Variants in LDB2 observed in about 807,000 individuals in gnomAD.
LDB2 encodes the protein LIM domain-binding protein 2.
In LDB2, 12 loss-of-function variants were observed where a neutral mutation model predicts 44.3. The ratio of observed to expected loss-of-function variants is 0.27; its 90% confidence interval spans 0.17 to 0.44. LDB2 has a LOEUF of 0.44. LDB2 is among the 20% of genes least tolerant of loss of function. The pLI is 1.00. For missense variants in LDB2, 344 were observed against 473.5 expected, an observed-to-expected ratio of 0.73 and a Z score of 2.54; for synonymous variants, 164 against 174.8, an observed-to-expected ratio of 0.94 and a Z score of 0.49.
In LDB2 at chr4:16,533,228, G is replaced by A. The variant is rs1577436743; in HGVS notation, c.616-21124C>T. On this transcript the variant is annotated intron_variant, in intron 5 of 7. Coordinates refer to ENST00000304523, the MANE Select transcript of LDB2 (RefSeq NM_001290.5). The surrounding 1 kb of genome is among the most constrained non-coding windows in gnomAD (Gnocchi z 4.1). The stretch of plus-strand genomic sequence containing the variant: ...GAGACAGACCCAGGTTCAAATCCCA[G>A]CCAGGTCCTACCAGCTGTGTGACTC... Among the ~76,000 whole-genome samples the A allele has an allele frequency of 6.6e-6, 1 of 152,130 alleles. No individual in the cohort carries two copies. Among genetic ancestry groups the A allele is most frequent in the Non-Finnish European group, 1.5e-5 (1 of 68,020 alleles).
chr4:16,599,671 C>T (rs1054535246), intron 2 of LDB2, among the ~76,000 whole-genome samples: 12 of 152,094 alleles, frequency 7.9e-5, no homozygotes, highest in Admixed American at 5.2e-4. Context: ...CACATACGCA[C>T]GCAATGTGCA....
chr4:16,743,371 AG>A (rs1410681659), intron 2 of LDB2, among the ~76,000 whole-genome samples: 5 of 152,094 alleles, frequency 3.3e-5, no homozygotes, highest in Non-Finnish European at 7.4e-5. Context: ...AAGAATTCTG[AG>A]TGGCCTCCAA....
At chr4:16,645,104 G>A (rs1041754066) in intron 2 of LDB2, among the ~76,000 whole-genome samples, 1 of 152,206 alleles carries the variant, frequency 6.6e-6, no homozygotes, top group Non-Finnish European at 1.5e-5. Flanking sequence ...AGGAGCACAG[G>A]CAAATAAGTG....
chr4:16,561,270 G>A (rs1031397230), intron 5 of LDB2, among the ~76,000 whole-genome samples: 2 of 152,202 alleles, frequency 1.3e-5, no homozygotes, highest in African/African-American at 4.8e-5. Context: ...AAAAGAGGAA[G>A]TCAAATTGTC....
At chr4:16,590,294 A>G (rs1718464493) in intron 3 of LDB2, among the ~76,000 whole-genome samples, 1 of 152,238 alleles carries the variant, frequency 6.6e-6, no homozygotes, top group African/African-American at 2.4e-5. Context: ...CTAAAAACAA[A>G]CATACAACAC....
At chr4:16,831,683 C>A (rs1210234503) in intron 1 of LDB2, among the ~76,000 whole-genome samples, 1 of 152,178 alleles carries the variant, frequency 6.6e-6, no homozygotes, top group East Asian at 1.9e-4. Flanking sequence ...TGCAACCAAG[C>A]AAAGGTGCTA....
At chr4:16,598,075 A>T (rs1232805306) in intron 2 of LDB2, among the ~76,000 whole-genome samples, 1 of 152,146 alleles carries the variant, frequency 6.6e-6, no homozygotes, top group African/African-American at 2.4e-5. Context: ...CCACCATAGC[A>T]GACTAAACCC....
intron 5 of LDB2, among the ~76,000 whole-genome samples, chr4:16,538,834 A>T (rs1732749287): frequency 6.6e-6 from 1 of 152,148 alleles, no homozygotes; most frequent in East Asian, 1.9e-4. Context: ...TTTTAATTTA[A>T]TCATCATGAC....
chr4:16,543,420 C>T (rs1734599210), intron 5 of LDB2, among the ~76,000 whole-genome samples: 1 of 152,190 alleles, frequency 6.6e-6, no homozygotes, highest in South Asian at 2.1e-4. Context: ...TTCTCCACAT[C>T]CTCTCCAGCA....
At chr4:16,601,146 GAT>G (rs1339980113) in intron 2 of LDB2, among the ~76,000 whole-genome samples, 1 of 152,102 alleles carries the variant, frequency 6.6e-6, no homozygotes, top group Non-Finnish European at 1.5e-5. Flanking sequence ...TGGTAAAACA[GAT>G]ATACACAAAT....
intron 1 of LDB2, among the ~76,000 whole-genome samples, chr4:16,834,445 G>T (rs1489567746): frequency 1.3e-5 from 2 of 152,134 alleles, no homozygotes; most frequent in South Asian, 2.1e-4. Context: ...CTTTACATAG[G>T]GCATATGTTC....
intron 2 of LDB2, among the ~76,000 whole-genome samples, chr4:16,665,727 C>T (rs189328378): frequency 6.6e-6 from 1 of 152,074 alleles, no homozygotes; most frequent in Non-Finnish European, 1.5e-5. Context: ...AAAGATATGT[C>T]CATTTGGAAC....
At chr4:16,828,185 C>T (rs1196182189) in intron 1 of LDB2, among the ~76,000 whole-genome samples, 1 of 152,180 alleles carries the variant, frequency 6.6e-6, no homozygotes, top group Non-Finnish European at 1.5e-5. Flanking sequence ...ATGTAAGTGG[C>T]AAACCATCGT....
intron 1 of LDB2, among the ~76,000 whole-genome samples, chr4:16,816,236 T>G (rs1212545905): frequency 1.3e-5 from 2 of 152,004 alleles, no homozygotes; most frequent in African/African-American, 2.4e-5. Context: ...ATCCTATTAC[T>G]TCCAAAGGCT....
At chr4:16,745,865 C>G (rs1313541311) in intron 2 of LDB2, among the ~76,000 whole-genome samples, 1 of 146,706 alleles carries the variant, frequency 6.8e-6, no homozygotes, top group African/African-American at 2.5e-5. Context: ...TTAATCCAAA[C>G]AGGTCACGTT....
At chr4:16,737,988 GA>G (rs2108981032) in intron 2 of LDB2, among the ~76,000 whole-genome samples, 1 of 152,214 alleles carries the variant, frequency 6.6e-6, no homozygotes, top group East Asian at 1.9e-4. Context: ...AGCTATTATT[GA>G]GTTAATATAA....
chr4:16,604,709 C>T (rs1723465373), intron 2 of LDB2, among the ~76,000 whole-genome samples: 1 of 151,826 alleles, frequency 6.6e-6, no homozygotes, highest in South Asian at 2.1e-4. Flanking sequence ...TTATCCTATT[C>T]CTTGGTTTTA....
At chr4:16,750,817 GATA>G (rs1244311032) in intron 2 of LDB2, 5 of 152,296 alleles carry the variant, frequency 3.3e-5, no homozygotes, top group African/African-American at 9.6e-5. Context: ...ACTTCAAAAA[GATA>G]ATAAGTTGGA....
chr4:16,659,264 C>T (rs1241744498), intron 2 of LDB2, among the ~76,000 whole-genome samples: 2 of 152,152 alleles, frequency 1.3e-5, no homozygotes, highest in Non-Finnish European at 2.9e-5. Context: ...TGCAAAGGCT[C>T]ATTTTCCAGA....
Sources: gnomAD v4.1 joint callset for allele counts (sites outside exome capture counted in the v4.1 genomes callset) on GRCh38, gnomAD v4.1.1 for gene constraint, Gnocchi (gnomAD v3.1) non-coding constraint, MANE v1.5 for transcripts, NCBI Gene and HGNC (gene_info 2026-07-23, HGNC 2026-07-21) for gene names.